The following GALNT13 variants were observed in gnomAD, a reference collection of about 807,000 sequenced individuals.
The protein encoded by GALNT13 is UDP-GalNAc:polypeptide N-acetylgalactosaminyltransferase 13.
In GALNT13, 28 loss-of-function variants were observed where a neutral mutation model predicts 64.2. The ratio of observed to expected loss-of-function variants is 0.44; its 90% CI spans 0.32 to 0.60. The LOEUF (loss-of-function observed/expected upper bound fraction) is 0.60, where lower values mean the gene tolerates loss of function less well. Among genes scored for constraint, GALNT13 ranks in the 20% least tolerant of loss-of-function variants. The pLI is 0.05. For missense variants in GALNT13, 577 were observed against 669.8 expected (o/e 0.86, Z 1.53); for synonymous variants, 214 against 224.6 (o/e 0.95, Z 0.42).
intron 2 of GALNT13, among the ~76,000 whole-genome samples, chr2:153,930,938 A>G (rs563547128): frequency 2.0e-5 from 3 of 152,160 alleles, no homozygotes; most frequent in Non-Finnish European, 2.9e-5. Flanking sequence ...ATCAGTATTG[A>G]TTCTTCCTTC....
chr2:153,731,504 A>G, the GALNT13 span, among the ~76,000 whole-genome samples: 310 of 151,998 alleles, frequency 2.0e-3, 3 homozygotes, highest in African/African-American at 7.2e-3. Flanking sequence ...TACTGATAAT[A>G]TAATAATAAT....
chr2:153,527,568 T>C, the GALNT13 span, among the ~76,000 whole-genome samples: 1 of 152,104 alleles, frequency 6.6e-6, no homozygotes, highest in African/African-American at 2.4e-5. Context: ...TAATGAGCAA[T>C]AAGTAATCAC....
the GALNT13 span, among the ~76,000 whole-genome samples, chr2:153,827,335 G>T: frequency 6.6e-6 from 1 of 152,116 alleles, no homozygotes; most frequent in Non-Finnish European, 1.5e-5. Flanking sequence ...GAAAAGTTAT[G>T]GGTGGAGGCT....
At chr2:153,639,983 T>C in the GALNT13 span, among the ~76,000 whole-genome samples, 1 of 152,142 alleles carries the variant, frequency 6.6e-6, no homozygotes, top group African/African-American at 2.4e-5. Context: ...TTTGTCCTGA[T>C]GGTCTCAGTG....
At chr2:153,210,716 A>G in the GALNT13 span, among the ~76,000 whole-genome samples, 416 of 152,354 alleles carry the variant, frequency 2.7e-3, 2 homozygotes, top group African/African-American at 9.4e-3. Context: ...GTCTACATAC[A>G]GCTAAATAAA....
the GALNT13 span, among the ~76,000 whole-genome samples, chr2:153,649,460 T>C: frequency 0.87 from 119,713 of 137,128 alleles, 52,095 homozygotes; most frequent in East Asian, 0.9. Context: ...GTGTCTCTAT[T>C]TCCTTCAGTT....
At chr2:153,635,441 C>CATATATATATATGTATATATATATAT in the GALNT13 span, among the ~76,000 whole-genome samples, 1 of 129,852 alleles carries the variant, frequency 7.7e-6, no homozygotes, top group Non-Finnish European at 1.6e-5. Context: ...TATATATATA[C>CATATATATATATGTATATATATATAT]ACACATATAT....
At chr2:153,647,423 C>G in the GALNT13 span, among the ~76,000 whole-genome samples, 1 of 152,136 alleles carries the variant, frequency 6.6e-6, no homozygotes, top group African/African-American at 2.4e-5. Context: ...GTTGTCTGTT[C>G]ACTCTGATGG....
intron 2 of GALNT13, among the ~76,000 whole-genome samples, chr2:153,913,078 G>T (rs948701598): frequency 3.1e-4 from 47 of 152,164 alleles, no homozygotes; most frequent in African/African-American, 1.1e-3. Flanking sequence ...GCATGGTGGT[G>T]GGGGTGCTGG....
the GALNT13 span, among the ~76,000 whole-genome samples, chr2:153,618,014 C>T: frequency 6.6e-6 from 1 of 151,494 alleles, no homozygotes. Context: ...TCTTTATTTC[C>T]ATGTCATTTA....
At chr2:153,089,328 C>A in the GALNT13 span, among the ~76,000 whole-genome samples, 1 of 152,156 alleles carries the variant, frequency 6.6e-6, no homozygotes, top group African/African-American at 2.4e-5. Flanking sequence ...TGTAATGTTT[C>A]TGCTGAGAAA....
the GALNT13 span, among the ~76,000 whole-genome samples, chr2:153,838,328 C>G: frequency 6.6e-6 from 1 of 152,020 alleles, no homozygotes; most frequent in East Asian, 1.9e-4. Context: ...ATTGTCCAGA[C>G]CAATGTCATG....
At chr2:154,257,753 G>C (rs1414964799) in intron 7 of GALNT13, 1 of 152,144 alleles carries the variant, frequency 6.6e-6, no homozygotes, top group Non-Finnish European at 1.5e-5. Context: ...ATATTATTTG[G>C]TGGTTTTTCA....
chr2:154,142,840 A>G (rs11692320), intron 4 of GALNT13, among the ~76,000 whole-genome samples: 28,067 of 147,308 alleles, frequency 0.19, 3,128 homozygotes, highest in Non-Finnish European at 0.27. Context: ...GTGTGTGTGT[A>G]TATATATATA....
the GALNT13 span, among the ~76,000 whole-genome samples, chr2:153,139,137 G>A: frequency 6.6e-6 from 1 of 152,028 alleles, no homozygotes; most frequent in Admixed American, 6.6e-5. Flanking sequence ...GATTTCTGAA[G>A]GGTAAGGTAC....
At chr2:153,874,987 A>C (rs995423373) in intron 1 of GALNT13, among the ~76,000 whole-genome samples, 1 of 152,144 alleles carries the variant, frequency 6.6e-6, no homozygotes, top group African/African-American at 2.4e-5. Flanking sequence ...GGTTTCTAAC[A>C]AGTGAAAAGT....
At chr2:153,095,076 G>T in the GALNT13 span, among the ~76,000 whole-genome samples, 3 of 152,182 alleles carry the variant, frequency 2.0e-5, no homozygotes, top group Non-Finnish European at 4.4e-5. Flanking sequence ...CACAGCAAAA[G>T]AAACTACCAT....
intron 4 of GALNT13, among the ~76,000 whole-genome samples, chr2:154,220,274 G>A (rs1688258270): frequency 2.0e-5 from 3 of 152,006 alleles, no homozygotes; most frequent in South Asian, 4.1e-4. Flanking sequence ...TGGATGTGTA[G>A]TAAAAGAAAA....
chr2:154,417,427 AGTT>A (rs1700060564), intron 11 of GALNT13, among the ~76,000 whole-genome samples: 1 of 151,214 alleles, frequency 6.6e-6, no homozygotes, highest in Non-Finnish European at 1.5e-5. Context: ...TGTTATTGTT[AGTT>A]GTTGTTTTTC....
Sources: gnomAD v4.1 joint callset for allele counts (sites outside exome capture counted in the v4.1 genomes callset) on GRCh38, gnomAD v4.1.1 for gene constraint, MANE v1.5 for transcripts, NCBI Gene and HGNC (gene_info 2026-07-23, HGNC 2026-07-21) for gene names.